ZNF84: variants seen among roughly 807,000 people sequenced by gnomAD.
ZNF84 encodes zinc finger protein HPF2.
ZNF84 carries 12 observed loss-of-function variants against 14.8 expected under a neutral mutation model. The ratio of observed to expected loss-of-function variants is 0.81; its 90% CI spans 0.52 to 1.31. The LOEUF (loss-of-function observed/expected upper bound fraction) is 1.31. Ranked by LOEUF, ZNF84 falls within the 50% of genes most tolerant of loss-of-function variation. The probability of loss-of-function intolerance (pLI) is 0.00; values close to 1 mark genes in which losing one functional copy is unlikely to be tolerated. For synonymous variants in ZNF84, 347 were observed against 291.1 expected (o/e 1.19, Z -1.96); for missense variants, 859 against 878.6 (o/e 0.98, Z 0.28).
At chr12:133,053,019 A>C (rs1284736166) in intron 4 of ZNF84, among the ~76,000 whole-genome samples, 1 of 152,236 alleles carries the variant, frequency 6.6e-6, no homozygotes, top group African/African-American at 2.4e-5. Context: ...ACTTGTAGGC[A>C]ATACAAAGGA....
Position 133,059,056 on chromosome 12 carries a change from TGAG to T in ZNF84, c.*126_*128del, listed in dbSNP as rs1954213104. 3 of 947,426 alleles carry T rather than the reference TGAG, an allele frequency of 3.2e-6. No homozygotes were observed. Among genetic ancestry groups the T allele is most frequent in the Non-Finnish European group, 4.7e-6 (3 of 638,112 alleles). The allele number at this position is 947,426 out of a possible 1,614,324, so 58.7% of individuals were successfully genotyped here. On this transcript the variant is annotated 3_prime_UTR_variant, in exon 5 of 5. Coordinates refer to ENST00000539354, the MANE Select transcript of ZNF84 (RefSeq NM_001289971.2). Reference sequence around the variant, plus strand: ...ACTCCATGAGGATGAGAACTCTAAATGAGGTGGTGTATGGAAAGCCGATCATAA... The same window carrying T: ...ACTCCATGAGGATGAGAACTCTAAATGTGGTGTATGGAAAGCCGATCATAA...
At chr12:133,048,478 G>A (rs1339035448) in intron 3 of ZNF84, 1 of 309,718 alleles carries the variant, frequency 3.2e-6, no homozygotes, top group East Asian at 6.0e-5. Context: ...GGCCAAGAGA[G>A]GTTAAGTAAC....
At position 133,063,047 on chromosome 12, in the gene ZNF84, G is replaced by A. The variant is rs952276689; in HGVS notation, c.*4115G>A. 9 of 694,578 alleles carry A rather than the reference G, an allele frequency of 1.3e-5. No homozygotes were observed. Among genetic ancestry groups the A allele is most frequent in the Non-Finnish European group, 2.4e-5 (9 of 379,664 alleles). The allele number at this position is 694,578 out of a possible 1,614,324, so 43.0% of individuals were successfully genotyped here. A position where few individuals can be genotyped will look rare whatever the true frequency, so the allele number is the denominator to read the frequency against. On this transcript the variant is annotated 3_prime_UTR_variant, in exon 5 of 5. Coordinates refer to ENST00000539354, the MANE Select transcript of ZNF84 (RefSeq NM_001289971.2). ...TATCTTTTTTGTCTGTGTAATTTTT[G>A]CATCACAAGCTATATTTAAATGTGG...
chr12:133,048,614 T>TA (rs1316133626), intron 3 of ZNF84, 139 bp from the exon 4 acceptor site: 6 of 590,466 alleles, frequency 1.0e-5, no homozygotes, highest in African/African-American at 5.6e-5. Context: ...GGGAGACCGT[T>TA]ACTGTAACTT....
intron 4 of ZNF84, among the ~76,000 whole-genome samples, chr12:133,055,320 A>T (rs1954135328): frequency 6.6e-6 from 1 of 152,134 alleles, no homozygotes; most frequent in African/African-American, 2.4e-5. Flanking sequence ...ATAATAGAAT[A>T]TACTTATATC....
intron 4 of ZNF84, among the ~76,000 whole-genome samples, chr12:133,052,186 A>T (rs2137391806): frequency 6.6e-6 from 1 of 152,216 alleles, no homozygotes; most frequent in Non-Finnish European, 1.5e-5. Context: ...AGTTTTGGAG[A>T]TGGAAAGTCC....
intron 4 of ZNF84, among the ~76,000 whole-genome samples, chr12:133,051,265 G>C (rs1954064163): frequency 6.6e-6 from 1 of 152,118 alleles, no homozygotes; most frequent in Non-Finnish European, 1.5e-5. Flanking sequence ...ATAAGTTGTA[G>C]AAGCATAACA....
In ZNF84 at chr12:133,044,511, A is replaced by AT. The variant is rs796571737; in HGVS notation, c.15+3037dup. Among the ~76,000 whole-genome samples, 8 of 151,942 alleles carry AT rather than the reference A, an allele frequency of 5.3e-5. No homozygotes were observed. In the South Asian group the frequency reaches 6.2e-4, roughly 12 times the overall value. On this transcript the variant is annotated intron_variant, in intron 2 of 4. Coordinates refer to ENST00000539354, the MANE Select transcript of ZNF84 (RefSeq NM_001289971.2). ...ACCACTAAAACTACATAGATCTTGC[A>AT]TTTTTTTTGAGGGAAAGTTTTAAAA...
chr12:133,054,692 T>A (rs1954123410), intron 4 of ZNF84, among the ~76,000 whole-genome samples: 1 of 151,390 alleles, frequency 6.6e-6, no homozygotes, highest in Non-Finnish European at 1.5e-5. Flanking sequence ...TATATCAAAA[T>A]ATTACACTGT....
In ZNF84 at chr12:133,059,953, T is replaced by A. The variant is rs1052328612; in HGVS notation, c.*1021T>A. The A allele has an allele frequency of 1.8e-4, 28 of 152,308 alleles. No individual in the cohort carries two copies. Among genetic ancestry groups the A allele is most frequent in the African/African-American group, 6.7e-4 (28 of 41,578 alleles). 9.4% of individuals were successfully genotyped at this position (152,308 alleles called of 1,614,324 possible). ...CATCCTCAGAGTCTGAGTAACAGTT[T>A]ATATAAAATAAATATGCAAAGGCAG... On this transcript the variant is annotated 3_prime_UTR_variant, in exon 5 of 5. Coordinates refer to ENST00000539354, the MANE Select transcript of ZNF84 (RefSeq NM_001289971.2).
In ZNF84 at chr12:133,061,034, C is replaced by T. The variant is rs1954254674; in HGVS notation, c.*2102C>T. 6.6e-6 allele frequency: 1 copy of T among 152,136 alleles called. No individual in the cohort carries two copies. Among genetic ancestry groups the T allele is most frequent in the Non-Finnish European group, 1.5e-5 (1 of 68,028 alleles). 9.4% of individuals were successfully genotyped at this position (152,136 alleles called of 1,614,324 possible). ...TCTCCTTTAATTATTGATTTTGCAA[C>T]ATTTTGGGAAAGTTGGAATTTTAAA... On this transcript the variant is annotated 3_prime_UTR_variant, in exon 5 of 5. Transcript: ENST00000539354.
At chr12:133,042,497 A>T (rs7133210) in intron 2 of ZNF84, among the ~76,000 whole-genome samples, 28,895 of 152,096 alleles carry the variant, frequency 0.19, 2,869 homozygotes, top group African/African-American at 0.23. Flanking sequence ...ACTGTACCTA[A>T]TTCATAAACT....
Position 133,057,548 on chromosome 12 carries a change from T to C in ZNF84, c.833T>C (p.Leu278Pro). The change falls in exon 5 of 5, where the codon CTC becomes CCC. Residue 278 changes from leucine (L) to proline (P), a missense_variant. Leu to Pro is a moderately conservative substitution (Grantham distance 98, BLOSUM62 -3). Coordinates refer to ENST00000539354, the MANE Select transcript of ZNF84 (RefSeq NM_001289971.2). ...AAAGCCTTCTCCCAAAAGTCACAGCTCACATCCCATCAGCGGACACATACA... is the reference window on the plus strand; with the variant it reads ...AAAGCCTTCTCCCAAAAGTCACAGCCCACATCCCATCAGCGGACACATACA... ...CGKAFSQKSQ[L>P]TSHQRTHTGE... 6.2e-7 allele frequency: 1 copy of C among 1,614,136 alleles called. No individual in the cohort carries two copies. Among genetic ancestry groups the C allele is most frequent in the Non-Finnish European group, 8.5e-7 (1 of 1,180,026 alleles).
At position 133,059,645 on chromosome 12, in the gene ZNF84, G is replaced by A. The variant is rs372303552; in HGVS notation, c.*713G>A. ...TTTGTGGCTTATCTTCTAGTGTCACGTATGTTTTGTGTTTTGGACTTACCT... is the reference window on the plus strand; with the variant it reads ...TTTGTGGCTTATCTTCTAGTGTCACATATGTTTTGTGTTTTGGACTTACCT... On this transcript the variant is annotated 3_prime_UTR_variant, in exon 5 of 5. Transcript: ENST00000539354. 3.3e-5 allele frequency: 5 copies of A among 152,248 alleles called. No individual in the cohort carries two copies. The South Asian group carries it at 6.2e-4, about 19-fold the overall frequency. The allele number at this position is 152,248 out of a possible 1,614,324, so 9.4% of individuals were successfully genotyped here.
At chr12:133,040,724 C>G (rs984793707) in intron 1 of ZNF84, 3 of 152,046 alleles carry the variant, frequency 2.0e-5, no homozygotes, top group Non-Finnish European at 4.4e-5. Flanking sequence ...AACAACATAG[C>G]CATAAGCATA....
rs1954205542 is a variant in ZNF84 at position 133,058,696 on chromosome 12, G to A, written c.1981G>A (p.Gly661Ser). 1 of 1,613,732 alleles carries A rather than the reference G, an allele frequency of 6.2e-7. No homozygotes were observed. The highest frequency in any genetic ancestry group is 1.3e-5 in the African/African-American group (1 of 74,846). The change falls in exon 5 of 5, where the codon GGC becomes AGC. Residue 661 changes from glycine to serine, a missense_variant. Gly to Ser is a moderately conservative substitution (Grantham distance 56, BLOSUM62 0). Transcript: ENST00000539354. The part of the protein sequence containing the change: ...GEKPFECSEC[G>S]KAFSRKSHLI... Reference sequence around the variant, plus strand: ...GAAGCCTTTTGAATGCAGTGAGTGTGGCAAAGCTTTCTCTCGGAAGTCACA... The same window carrying A: ...GAAGCCTTTTGAATGCAGTGAGTGTAGCAAAGCTTTCTCTCGGAAGTCACA...
chr12:133,048,845 C>G lies in ZNF84; in HGVS notation c.235C>G (p.Pro79Ala), dbSNP rs1314449191. Reference protein sequence around the residue: ...GDGEIPSSDSPEVWKVDGNMM... With the variant: ...GDGEIPSSDSAEVWKVDGNMM... ...TGGAGAAATTCCAAGTTCAGATTCT[C>G]CAGGTGAGTGTATGAGAACCAGGCA... is the stretch of plus-strand genomic sequence containing the variant. The change falls in exon 4 of 5, where the codon CCA becomes GCA. Residue 79 changes from proline (P) to alanine (A), a missense_variant. Physicochemically the swap from Pro to Ala is conservative, Grantham distance 27. Coordinates refer to ENST00000539354, the MANE Select transcript of ZNF84 (RefSeq NM_001289971.2). 5 of 1,612,168 alleles carry G rather than the reference C, an allele frequency of 3.1e-6. No individual in the cohort carries two copies. In the African/African-American group the frequency reaches 5.3e-5, roughly 17 times the overall value.
In ZNF84 at chr12:133,059,124, A is replaced by T; in HGVS notation, c.*192A>T. ...TGAACCTATGACTGCAGTGGATCTCAAAAACTTTTAAAACCATAGACAAGC... is the reference window on the plus strand; with the variant it reads ...TGAACCTATGACTGCAGTGGATCTCTAAAACTTTTAAAACCATAGACAAGC... On this transcript the variant is annotated 3_prime_UTR_variant, in exon 5 of 5. Coordinates refer to ENST00000539354, the MANE Select transcript of ZNF84 (RefSeq NM_001289971.2). 2 of 553,498 alleles carry T rather than the reference A, an allele frequency of 3.6e-6. No homozygotes were observed. The highest frequency in any genetic ancestry group is 6.2e-6 in the Non-Finnish European group (2 of 324,278). The allele number at this position is 553,498 out of a possible 1,614,324, so 34.3% of individuals were successfully genotyped here.
Position 133,058,483 on chromosome 12 carries a change from C to T in ZNF84, c.1768C>T (p.Gln590Ter). Reference sequence around the variant, plus strand: ...CCAGAAATCACAGCTAAATACCCATCAGAGAATTCACACTGGAGAGAAACC... The same window carrying T: ...CCAGAAATCACAGCTAAATACCCATTAGAGAATTCACACTGGAGAGAAACC... ...FSQKSQLNTHQRIHTGEKPYE... is the reference protein window; with the variant it reads ...FSQKSQLNTH Residue 590 changes from glutamine (Q) to a stop codon, truncating the protein, a stop_gained, in exon 5 of 5, where the codon CAG becomes TAG. Transcript: ENST00000539354. LOFTEE classifies it low-confidence loss of function (END_TRUNC). 5.6e-6 allele frequency: 9 copies of T among 1,614,152 alleles called. No individual in the cohort carries two copies. The highest frequency in any genetic ancestry group is 7.6e-6 in the Non-Finnish European group (9 of 1,180,020).
Sources: gnomAD v4.1 joint callset for allele counts (sites outside exome capture counted in the v4.1 genomes callset) on GRCh38, gnomAD v4.1.1 for gene constraint, MANE v1.5 for transcripts, NCBI Gene and HGNC (gene_info 2026-07-23, HGNC 2026-07-21) for gene names.